Variants in RAD54L2 observed in about 807,000 individuals in gnomAD.
RAD54L2 encodes helicase ARIP4.
RAD54L2 carries 27 observed loss-of-function variants against 138.4 expected under a neutral mutation model. The ratio of observed to expected loss-of-function variants is 0.20; its 90% CI spans 0.14 to 0.27. RAD54L2 has a LOEUF of 0.27. Among genes scored for constraint, RAD54L2 ranks in the 10% least tolerant of loss-of-function variants. RAD54L2 has a pLI of 1.00. For missense variants in RAD54L2, 1,396 were observed against 1,890.2 expected (o/e 0.74, Z 4.85); for synonymous variants, 644 against 723.2 (o/e 0.89, Z 1.76).
chr3:51,546,532 T>C (rs1277253351), intron 2 of RAD54L2, among the ~76,000 whole-genome samples: 1 of 151,792 alleles, frequency 6.6e-6, no homozygotes, highest in Non-Finnish European at 1.5e-5. Context: ...CTCAGCTACT[T>C]AGGAGGCTGA....
At chr3:51,545,678 C>T (rs782244378) in intron 2 of RAD54L2, among the ~76,000 whole-genome samples, 2 of 151,872 alleles carry the variant, frequency 1.3e-5, no homozygotes, top group Non-Finnish European at 2.9e-5. Context: ...CTCTCAGGCT[C>T]GAGCAATCCT....
At chr3:51,587,563 A>G (rs1427807461) in intron 2 of RAD54L2, among the ~76,000 whole-genome samples, 1 of 152,122 alleles carries the variant, frequency 6.6e-6, no homozygotes, top group Non-Finnish European at 1.5e-5. Flanking sequence ...CAAAAATTTA[A>G]ATTTTATTAC....
At chr3:51,609,104 T>C (rs1366966502) in intron 3 of RAD54L2, among the ~76,000 whole-genome samples, 1 of 152,158 alleles carries the variant, frequency 6.6e-6, no homozygotes, top group Non-Finnish European at 1.5e-5. Context: ...TTGGCTAGGC[T>C]GGTCTCAAGT....
intron 3 of RAD54L2, among the ~76,000 whole-genome samples, chr3:51,598,672 C>T (rs772324555): frequency 2.6e-5 from 4 of 152,144 alleles, no homozygotes; most frequent in Non-Finnish European, 5.9e-5. Flanking sequence ...AGGAGAATTG[C>T]TTGAACCCAG....
At chr3:51,584,741 AT>A (rs1004503653) in intron 2 of RAD54L2, among the ~76,000 whole-genome samples, 1 of 149,868 alleles carries the variant, frequency 6.7e-6, no homozygotes, top group Non-Finnish European at 1.5e-5. Context: ...TTCCTTGTCT[AT>A]TTTTTTTAAG....
intron 2 of RAD54L2, among the ~76,000 whole-genome samples, chr3:51,548,821 CTT>C (rs1168106948): frequency 5.9e-5 from 6 of 101,288 alleles, no homozygotes; most frequent in African/African-American, 1.6e-4. Context: ...AGTAACTCTG[CTT>C]TTTTTTTTTT....
rs373292331 is a variant in RAD54L2 at position 51,608,475 on chromosome 3, C to T, written c.139+17916C>T. Among the ~76,000 whole-genome samples, 284 of 152,306 alleles carry T rather than the reference C, an allele frequency of 1.9e-3. 6 individuals carry two copies. In the South Asian group the frequency reaches 0.057, roughly 30 times the overall value. On this transcript the variant is annotated intron_variant, in intron 3 of 22. Transcript: ENST00000684192. Reference sequence around the variant, plus strand: ...CGGCACTTTGGGAGGCCAAGGCAGGCGGCTGGGAGGTGGAGGTTGTAGCGA... The same window carrying T: ...CGGCACTTTGGGAGGCCAAGGCAGGTGGCTGGGAGGTGGAGGTTGTAGCGA...
In RAD54L2 at chr3:51,665,620, T is replaced by C. The variant is rs1485745345; in HGVS notation, c.*2200T>C. ...TAGCAGTTCCAACCAGTGCTTTCTC[T>C]TTCAGATGCATCCCAAGAATGGATG... On this transcript the variant is annotated 3_prime_UTR_variant, in exon 23 of 23. Coordinates refer to ENST00000684192, the MANE Select transcript of RAD54L2 (RefSeq NM_015106.4). The C allele has an allele frequency of 6.6e-6, 1 of 152,246 alleles. No individual in the cohort carries two copies. The highest frequency in any genetic ancestry group is 1.5e-5 in the Non-Finnish European group (1 of 68,046). The allele number at this position is 152,246 out of a possible 1,614,324, so 9.4% of individuals were successfully genotyped here. A position where few individuals can be genotyped will look rare whatever the true frequency, so the allele number is the denominator to read the frequency against.
chr3:51,661,575 C>G (rs1649208897), intron 22 of RAD54L2, among the ~76,000 whole-genome samples: 1 of 152,168 alleles, frequency 6.6e-6, no homozygotes. Flanking sequence ...GAACTCTTGC[C>G]AAGTTCCCCT....
chr3:51,554,242 C>G (rs1184828924), intron 2 of RAD54L2, among the ~76,000 whole-genome samples: 3 of 151,800 alleles, frequency 2.0e-5, no homozygotes, highest in Non-Finnish European at 2.9e-5. Context: ...TGGTGCACGC[C>G]TATAATCCCA....
At chr3:51,559,157 G>C (rs1699043063) in intron 2 of RAD54L2, among the ~76,000 whole-genome samples, 1 of 152,184 alleles carries the variant, frequency 6.6e-6, no homozygotes, top group Non-Finnish European at 1.5e-5. Flanking sequence ...TTACAGGCGT[G>C]TATTAATGGC....
At position 51,637,121 on chromosome 3, in the gene RAD54L2, C is replaced by T; in HGVS notation, c.1340-40C>T. Reference sequence around the variant, plus strand: ...TCTCATATTATTGACTAAGAGCAGGCCCTGTCACCCTCTGACTCCGGATCC... The same window carrying T: ...TCTCATATTATTGACTAAGAGCAGGTCCTGTCACCCTCTGACTCCGGATCC... On this transcript the variant is annotated intron_variant, in intron 10 of 22. Coordinates refer to ENST00000684192, the MANE Select transcript of RAD54L2 (RefSeq NM_015106.4). This position sits in a 1 kb window ranked among gnomAD's most constrained non-coding sequence, Gnocchi z 5.9. The T allele has an allele frequency of 1.3e-6, 2 of 1,507,570 alleles. No homozygotes were observed. Among genetic ancestry groups the T allele is most frequent in the Non-Finnish European group, 9.0e-7 (1 of 1,107,590 alleles). The allele number at this position is 1,507,570 out of a possible 1,614,324, so 93.4% of individuals were successfully genotyped here.
chr3:51,615,993 A>G (rs957474635), intron 3 of RAD54L2, among the ~76,000 whole-genome samples: 1 of 152,010 alleles, frequency 6.6e-6, no homozygotes, highest in African/African-American at 2.4e-5. Context: ...TTTCAAAAAA[A>G]GTTTTTTAAA....
chr3:51,573,725 C>T (rs1226410038), intron 2 of RAD54L2, among the ~76,000 whole-genome samples: 1 of 151,954 alleles, frequency 6.6e-6, no homozygotes, highest in East Asian at 1.9e-4. Flanking sequence ...TGCGCCTGGC[C>T]CAAATCTATA....
intron 2 of RAD54L2, among the ~76,000 whole-genome samples, chr3:51,588,561 A>G (rs970552560): frequency 6.6e-6 from 1 of 151,702 alleles, no homozygotes; most frequent in Non-Finnish European, 1.5e-5. Context: ...AAAAGAAAAG[A>G]AAATTTGAAA....
At position 51,666,750 on chromosome 3, in the gene RAD54L2, C is replaced by G. The variant is rs1034992540; in HGVS notation, c.*3330C>G. 16 of 152,146 alleles carry G rather than the reference C, an allele frequency of 1.1e-4. No individual in the cohort carries two copies. Among genetic ancestry groups the G allele is most frequent in the Admixed American group, 8.5e-4 (13 of 15,282 alleles). The allele number at this position is 152,146 out of a possible 1,614,324, so 9.4% of individuals were successfully genotyped here. On this transcript the variant is annotated 3_prime_UTR_variant, in exon 23 of 23. Transcript: ENST00000684192. ...TGAGTTATGCTTTTTAGGCATCTAT[C>G]TCATCATCTCCTGATTTAAGGATAA... is the stretch of plus-strand genomic sequence containing the variant.
intron 2 of RAD54L2, among the ~76,000 whole-genome samples, chr3:51,566,042 A>G (rs919862941): frequency 6.7e-6 from 1 of 150,284 alleles, no homozygotes; most frequent in Non-Finnish European, 1.5e-5. Flanking sequence ...GTTAGCCAGG[A>G]TAGTCTCGAT....
rs747753772 is a variant in RAD54L2, at chr3:51,637,530, C to T, written c.1682+27C>T. On this transcript the variant is annotated intron_variant, in intron 11 of 22. Coordinates refer to ENST00000684192, the MANE Select transcript of RAD54L2 (RefSeq NM_015106.4). This position sits in a 1 kb window ranked among gnomAD's most constrained non-coding sequence, Gnocchi z 5.9. ...TGAGCCATCCTCAGGGTCCTGCTTCCTGAATTTTCAGAGGGCCCTGTTGCC... is the reference window on the plus strand; with the variant it reads ...TGAGCCATCCTCAGGGTCCTGCTTCTTGAATTTTCAGAGGGCCCTGTTGCC... 17 of 1,583,532 alleles carry T rather than the reference C, an allele frequency of 1.1e-5. No individual in the cohort carries two copies. Among genetic ancestry groups the T allele is most frequent in the Non-Finnish European group, 1.4e-5 (16 of 1,161,826 alleles).
intron 2 of RAD54L2, among the ~76,000 whole-genome samples, chr3:51,559,803 T>G (rs752993143): frequency 2.6e-5 from 4 of 152,218 alleles, no homozygotes; most frequent in Non-Finnish European, 5.9e-5. Flanking sequence ...TTGCTCCAAG[T>G]GGAACACCGG....
Sources: gnomAD v4.1 joint callset for allele counts (sites outside exome capture counted in the v4.1 genomes callset) on GRCh38, gnomAD v4.1.1 for gene constraint, Gnocchi (gnomAD v3.1) non-coding constraint, MANE v1.5 for transcripts, NCBI Gene and HGNC (gene_info 2026-07-23, HGNC 2026-07-21) for gene names.